CAMSAP2: variants seen among roughly 807,000 people sequenced by gnomAD.
The protein encoded by CAMSAP2 is calmodulin regulated spectrin associated protein family member 2, also known as calmodulin-regulated spectrin-associated protein 2.
A neutral mutation model predicts 146.1 loss-of-function variants in CAMSAP2; 26 were observed. The ratio of observed to expected loss-of-function variants is 0.18; its 90% CI spans 0.13 to 0.25. The LOEUF (loss-of-function observed/expected upper bound fraction) is 0.25, where lower values mean the gene tolerates loss of function less well. Among genes scored for constraint, CAMSAP2 ranks in the 10% least tolerant of loss-of-function variants. CAMSAP2 has a pLI of 1.00. For synonymous variants in CAMSAP2, 499 were observed against 596.6 expected (o/e 0.84, Z 2.38); for missense variants, 1,381 against 1,759.3 (o/e 0.78, Z 3.85).
At chr1:200,828,711 T>G (rs1666967235) in intron 4 of CAMSAP2, 4 of 1,046,318 alleles carry the variant, frequency 3.8e-6, no homozygotes, top group South Asian at 2.9e-5. Flanking sequence ...TGTTAGTCAT[T>G]GAATAGAGAT....
chr1:200,816,864 ATG>A lies in CAMSAP2; in HGVS notation c.645+1226_645+1227del, dbSNP rs1174690134. On this transcript the variant is annotated intron_variant, in intron 4 of 16. Transcript: ENST00000358823. The stretch of plus-strand genomic sequence containing the variant: ...TGTGTGTACACACACACGCGTGTGT[ATG>A]TGTGTACACACACACGCGTGTGTAT... 1.8e-4 allele frequency among the ~76,000 whole-genome samples: 14 copies of A among 76,888 alleles called. No homozygotes were observed. In the South Asian group the frequency reaches 3.5e-3, roughly 19 times the overall value. The allele number at this position is 76,888 out of a possible 152,430, so 50.4% of individuals were successfully genotyped here. A position where few individuals can be genotyped will look rare whatever the true frequency, so the allele number is the denominator to read the frequency against.
chr1:200,755,976 G>A (rs1664637083), intron 1 of CAMSAP2, among the ~76,000 whole-genome samples: 1 of 152,192 alleles, frequency 6.6e-6, no homozygotes, highest in South Asian at 2.1e-4. Flanking sequence ...AAGGCCTCTA[G>A]TGCATGGGCC....
intron 2 of CAMSAP2, among the ~76,000 whole-genome samples, chr1:200,789,298 G>A (rs897982038): frequency 6.6e-6 from 1 of 151,824 alleles, no homozygotes; most frequent in African/African-American, 2.4e-5. Context: ...TCTTCTAGAA[G>A]TTTTATAGTT....
intron 2 of CAMSAP2, among the ~76,000 whole-genome samples, chr1:200,776,216 A>G (rs930194090): frequency 3.9e-5 from 6 of 152,196 alleles, no homozygotes; most frequent in Non-Finnish European, 7.3e-5. Flanking sequence ...TTGTTCTTCC[A>G]TCCAGCCTTC....
chr1:200,832,983 C>G lies in CAMSAP2; in HGVS notation c.927+138C>G. 2 of 686,008 alleles carry G rather than the reference C, an allele frequency of 2.9e-6. No homozygotes were observed. Among genetic ancestry groups the G allele is most frequent in the Non-Finnish European group, 4.3e-6 (2 of 463,588 alleles). 42.5% of individuals were successfully genotyped at this position (686,008 alleles called of 1,614,324 possible). A position where few individuals can be genotyped will look rare whatever the true frequency, so the allele number is the denominator to read the frequency against. ...GGACAAGGTGGGAGGATTGCTTAAG[C>G]CTGGGAGGTTGAGGCTTCAGTGAGC... is the stretch of plus-strand genomic sequence containing the variant. On this transcript the variant is annotated intron_variant, in intron 6 of 16. Transcript: ENST00000358823. The surrounding 1 kb of genome is among the most constrained non-coding windows in gnomAD (Gnocchi z 4.2).
At chr1:200,827,196 C>G (rs1175827730) in intron 4 of CAMSAP2, among the ~76,000 whole-genome samples, 1 of 152,084 alleles carries the variant, frequency 6.6e-6, no homozygotes, top group Non-Finnish European at 1.5e-5. Flanking sequence ...CAATGGAGGG[C>G]CAAGAGAAAG....
At chr1:200,762,700 ATG>A (rs1477369217) in intron 2 of CAMSAP2, among the ~76,000 whole-genome samples, 2 of 152,256 alleles carry the variant, frequency 1.3e-5, no homozygotes, top group Non-Finnish European at 2.9e-5. Flanking sequence ...TCTAATAAGA[ATG>A]AAACAAATTT....
intron 6 of CAMSAP2, among the ~76,000 whole-genome samples, chr1:200,837,317 G>A (rs1453000131): frequency 4.6e-5 from 7 of 152,176 alleles, no homozygotes; most frequent in South Asian, 2.1e-4. Flanking sequence ...TGGCTAGACC[G>A]TTATCCCAGC....
chr1:200,848,718 A>G lies in CAMSAP2; in HGVS notation c.1949A>G (p.Tyr650Cys). 1 of 1,614,168 alleles carries G rather than the reference A, an allele frequency of 6.2e-7. No homozygotes were observed. Among genetic ancestry groups the G allele is most frequent in the Non-Finnish European group, 8.5e-7 (1 of 1,179,992 alleles). ...GATGCATCTAAATTTCTTCAGGATT[A>G]TGATATTCGAACTGGCAACACCAGG... ...MDDASKFLQD[Y>C]DIRTGNTREA... The change falls in exon 11 of 17, where the codon TAT becomes TGT. Residue 650 changes from tyrosine to cysteine, a missense_variant. Tyr to Cys is a radical substitution (Grantham distance 194). This residue lies in a region of CAMSAP2 where 447 missense variants were observed against 462.2 expected (regional missense o/e 0.97). Coordinates refer to ENST00000358823, the MANE Select transcript of CAMSAP2 (RefSeq NM_203459.4).
chr1:200,806,743 TTGTG>T lies in CAMSAP2; in HGVS notation c.400-613_400-610del, dbSNP rs138066870. Among the ~76,000 whole-genome samples the T allele has an allele frequency of 5.5e-5, 8 of 145,138 alleles. No individual in the cohort carries two copies. The East Asian group carries it at 1.0e-3, about 19-fold the overall frequency. On this transcript the variant is annotated intron_variant, in intron 2 of 16. Transcript: ENST00000358823. ...TGTTTTTTTTAGAACTTCCATATAATTGTGTGTGTGTGTGTGTGTGTGTATCTAT... is the reference window on the plus strand; with the variant it reads ...TGTTTTTTTTAGAACTTCCATATAATTGTGTGTGTGTGTGTGTGTATCTAT...
chr1:200,792,339 A>G (rs1665776914), intron 2 of CAMSAP2, among the ~76,000 whole-genome samples: 1 of 152,246 alleles, frequency 6.6e-6, no homozygotes, highest in South Asian at 2.1e-4. Flanking sequence ...AACAGCTTGT[A>G]TGAATATGCA....
chr1:200,794,608 A>G (rs192207900), intron 2 of CAMSAP2, among the ~76,000 whole-genome samples: 1 of 152,326 alleles, frequency 6.6e-6, no homozygotes, highest in East Asian at 1.9e-4. Context: ...TAAAATGAGC[A>G]TCTGCCCCAG....
intron 6 of CAMSAP2, among the ~76,000 whole-genome samples, chr1:200,837,431 C>G (rs1438470103): frequency 6.6e-6 from 1 of 151,730 alleles, no homozygotes. Context: ...GCTCTCTGTT[C>G]TGTTCCATTT....
chr1:200,792,720 T>C (rs1665788424), intron 2 of CAMSAP2, among the ~76,000 whole-genome samples: 1 of 152,170 alleles, frequency 6.6e-6, no homozygotes, highest in South Asian at 2.1e-4. Flanking sequence ...ATAAACATTC[T>C]TGAAATGACA....
intron 3 of CAMSAP2, among the ~76,000 whole-genome samples, chr1:200,812,453 G>C (rs1359382920): frequency 6.6e-6 from 1 of 152,144 alleles, no homozygotes; most frequent in Non-Finnish European, 1.5e-5. Flanking sequence ...AAAACAATTT[G>C]ATTCAACCTG....
intron 4 of CAMSAP2, among the ~76,000 whole-genome samples, chr1:200,823,372 A>T (rs1380042342): frequency 6.6e-6 from 1 of 152,232 alleles, no homozygotes; most frequent in Non-Finnish European, 1.5e-5. Context: ...GTTTTCTCTA[A>T]TGTTAACATC....
chr1:200,857,326 C>G lies in CAMSAP2; in HGVS notation c.4033C>G (p.Pro1345Ala). 1.9e-6 allele frequency: 3 copies of G among 1,612,186 alleles called. No homozygotes were observed. Among genetic ancestry groups the G allele is most frequent in the East Asian group, 2.2e-5 (1 of 44,794 alleles). ...CATAGGACCAAAGCTCTACAAAGAACCCAGTGCAAAATCCAATAAGCACAT... is the reference window on the plus strand; with the variant it reads ...CATAGGACCAAAGCTCTACAAAGAAGCCAGTGCAAAATCCAATAAGCACAT... ...EYTGPKLYKE[P>A]SAKSNKHIIQ... The change falls in exon 16 of 17, where the codon CCC becomes GCC. Residue 1345 changes from proline (P) to alanine (A), a missense_variant. By Grantham distance (27) the Pro-to-Ala change is conservative. Transcript: ENST00000358823. This position sits in a 1 kb window ranked among gnomAD's most constrained non-coding sequence, Gnocchi z 4.7.
chr1:200,769,137 C>T (rs1665041893), intron 2 of CAMSAP2, among the ~76,000 whole-genome samples: 1 of 152,124 alleles, frequency 6.6e-6, no homozygotes, highest in Admixed American at 6.5e-5. Context: ...TCACTCTGTT[C>T]CTTTGAGAGC....
At position 200,816,854 on chromosome 1, in the gene CAMSAP2, A is replaced by G. The variant is rs560992164; in HGVS notation, c.645+1210A>G. Among the ~76,000 whole-genome samples the G allele has an allele frequency of 6.7e-3, 488 of 73,262 alleles. 109 individuals are homozygous for G. Among genetic ancestry groups the G allele is most frequent in the Non-Finnish European group, 9.1e-3 (333 of 36,436 alleles). 48.1% of individuals were successfully genotyped at this position (73,262 alleles called of 152,430 possible). On this transcript the variant is annotated intron_variant, in intron 4 of 16. Coordinates refer to ENST00000358823, the MANE Select transcript of CAMSAP2 (RefSeq NM_203459.4). Reference sequence around the variant, plus strand: ...CGCGTGTGTATGTGTGTACACACACACGCGTGTGTATGTGTGTACACACAC... The same window carrying G: ...CGCGTGTGTATGTGTGTACACACACGCGCGTGTGTATGTGTGTACACACAC...
Sources: allele counts gnomAD v4.1 joint callset (sites outside exome capture counted in the v4.1 genomes callset), GRCh38; gene constraint gnomAD v4.1.1; regional missense constraint gnomAD v4.1.1; non-coding constraint Gnocchi (gnomAD v3.1); transcripts MANE v1.5; gene names NCBI Gene and HGNC (gene_info 2026-07-23, HGNC 2026-07-21).